The following GRM1 variants were observed in gnomAD, a reference collection of about 807,000 sequenced individuals.
The protein encoded by GRM1 is metabotropic glutamate receptor 1.
GRM1 carries 33 observed loss-of-function variants against 90.9 expected under a neutral mutation model. That is an observed-to-expected ratio of 0.36 (90% CI 0.28 to 0.49). GRM1 has a LOEUF of 0.49. GRM1 is among the 20% of genes least tolerant of loss of function. The pLI is 0.99. For missense variants in GRM1, 1,190 were observed against 1,534.3 expected (o/e 0.78, Z 3.75); for synonymous variants, 700 against 613.2 (o/e 1.14, Z -2.09).
chr6:146,165,096 A>C (rs1003788063), intron 2 of GRM1, among the ~76,000 whole-genome samples: 1 of 152,116 alleles, frequency 6.6e-6, no homozygotes, highest in Non-Finnish European at 1.5e-5. Context: ...CTAAAACTTG[A>C]TCCAAGAAAA....
chr6:146,035,724 C>T (rs1790866343), intron 1 of GRM1, among the ~76,000 whole-genome samples: 1 of 151,786 alleles, frequency 6.6e-6, no homozygotes, highest in Non-Finnish European at 1.5e-5. Context: ...AATATAAGGC[C>T]ATTTATTATT....
chr6:146,316,387 G>A (rs973003000), intron 3 of GRM1, among the ~76,000 whole-genome samples: 3 of 152,140 alleles, frequency 2.0e-5, no homozygotes, highest in Admixed American at 1.3e-4. Flanking sequence ...AGTCACATTC[G>A]CAAAGTCTCT....
chr6:146,174,374 C>T (rs1335476671), intron 2 of GRM1, among the ~76,000 whole-genome samples: 1 of 152,076 alleles, frequency 6.6e-6, no homozygotes, highest in Non-Finnish European at 1.5e-5. Flanking sequence ...TTTCTCCTTG[C>T]TCATCAAATA....
chr6:146,387,201 A>G (rs1776540290), intron 6 of GRM1, among the ~76,000 whole-genome samples, 185 bp downstream of exon 6: 1 of 152,168 alleles, frequency 6.6e-6, no homozygotes, highest in African/African-American at 2.4e-5. Context: ...TTGAAAAGAA[A>G]GTTCATGTAA....
At chr6:146,147,260 T>C (rs968841352) in intron 1 of GRM1, among the ~76,000 whole-genome samples, 8 of 152,166 alleles carry the variant, frequency 5.3e-5, no homozygotes, top group Non-Finnish European at 1.2e-4. Context: ...GTGTTGTAGG[T>C]AAATAATTAA....
chr6:146,288,338 A>G (rs1562583969), intron 2 of GRM1, among the ~76,000 whole-genome samples: 1 of 152,172 alleles, frequency 6.6e-6, no homozygotes, highest in Non-Finnish European at 1.5e-5. Context: ...GAGGATCCTT[A>G]TTTTACAGTG....
intron 6 of GRM1, among the ~76,000 whole-genome samples, chr6:146,395,813 G>T (rs1776905902): frequency 6.6e-6 from 1 of 152,024 alleles, no homozygotes; most frequent in African/African-American, 2.4e-5. Flanking sequence ...AGAGAGTCAG[G>T]TAAAGTTGCA....
chr6:146,426,499 T>C, intron 7 of GRM1: 1 of 1,511,822 alleles, frequency 6.6e-7, no homozygotes, highest in Non-Finnish European at 9.0e-7. Flanking sequence ...GGACTTGCCA[T>C]ATCTGTACAC....
At chr6:146,375,633 TTATCATTATATAGTGACCTTCTTTG>T (rs953309199) in intron 5 of GRM1, among the ~76,000 whole-genome samples, 3 of 152,132 alleles carry the variant, frequency 2.0e-5, no homozygotes, top group African/African-American at 7.2e-5. Context: ...ATTGACCCTT[TTATCATTATATAGTGACCTTCTTTG>T]TCTCTTCTTA....
chr6:146,163,994 A>G (rs1026647643), intron 2 of GRM1, among the ~76,000 whole-genome samples: 2 of 152,182 alleles, frequency 1.3e-5, no homozygotes, highest in Non-Finnish European at 2.9e-5. Context: ...GTAGAAGTCA[A>G]CTTGGAATGA....
Position 146,200,504 on chromosome 6 carries a change from C to T in GRM1, c.950+40907C>T, listed in dbSNP as rs184477022. 1.8e-3 allele frequency among the ~76,000 whole-genome samples: 268 copies of T among 152,300 alleles called. 1 individual carries two copies. Among genetic ancestry groups the T allele is most frequent in the African/African-American group, 6.1e-3 (254 of 41,570 alleles). ...TCTTTAGTCATTGGGTCACTGCCTCCTTCCAGGAACTCTGCATTGGCCATA... is the reference window on the plus strand; with the variant it reads ...TCTTTAGTCATTGGGTCACTGCCTCTTTCCAGGAACTCTGCATTGGCCATA... On this transcript the variant is annotated intron_variant, in intron 2 of 7. Coordinates refer to ENST00000282753, the MANE Select transcript of GRM1 (RefSeq NM_001278064.2).
intron 2 of GRM1, among the ~76,000 whole-genome samples, chr6:146,239,539 G>A (rs148371044): frequency 2.5e-4 from 38 of 151,910 alleles, no homozygotes; most frequent in African/African-American, 7.5e-4. Context: ...AGTGTTTGAC[G>A]GATGCATGAA....
At chr6:146,058,378 C>T (rs1037809122) in intron 1 of GRM1, among the ~76,000 whole-genome samples, 1 of 152,114 alleles carries the variant, frequency 6.6e-6, no homozygotes, top group African/African-American at 2.4e-5. Context: ...CTTATGTTTA[C>T]ACTATACTAT....
At chr6:146,066,766 CAGAG>C (rs560090955) in intron 1 of GRM1, among the ~76,000 whole-genome samples, 49 of 60,020 alleles carry the variant, frequency 8.2e-4, no homozygotes, top group Middle Eastern at 0.012. Context: ...GACAGACAGG[CAGAG>C]AGAGAGAGAG....
chr6:146,064,296 T>C (rs1194790658), intron 1 of GRM1, among the ~76,000 whole-genome samples: 1 of 152,212 alleles, frequency 6.6e-6, no homozygotes, highest in African/African-American at 2.4e-5. Context: ...GTATTTTCCA[T>C]AGTGTTAAGT....
intron 1 of GRM1, among the ~76,000 whole-genome samples, chr6:146,054,932 G>C (rs1222994194): frequency 6.6e-6 from 1 of 151,898 alleles, no homozygotes; most frequent in African/African-American, 2.4e-5. Context: ...GGTGGGTGTG[G>C]AGGGCAAGTG....
At chr6:146,087,837 C>T (rs1171091763) in intron 1 of GRM1, among the ~76,000 whole-genome samples, 1 of 152,062 alleles carries the variant, frequency 6.6e-6, no homozygotes, top group African/African-American at 2.4e-5. Flanking sequence ...CTTAACCATT[C>T]CCTGTTGGAG....
At chr6:146,291,051 T>C (rs1782963859) in intron 2 of GRM1, among the ~76,000 whole-genome samples, 1 of 152,142 alleles carries the variant, frequency 6.6e-6, no homozygotes, top group Admixed American at 6.5e-5. Context: ...AAGGGGGAAC[T>C]AATATTGCAG....
chr6:146,103,632 T>C (rs73784783), intron 1 of GRM1, among the ~76,000 whole-genome samples: 115 of 152,288 alleles, frequency 7.6e-4, no homozygotes, highest in Middle Eastern at 3.4e-3. Context: ...ACTCCCACCA[T>C]GTAAAAGTTT....
Sources: gnomAD v4.1 joint callset for allele counts (sites outside exome capture counted in the v4.1 genomes callset) on GRCh38, gnomAD v4.1.1 for gene constraint, MANE v1.5 for transcripts, NCBI Gene and HGNC (gene_info 2026-07-23, HGNC 2026-07-21) for gene names.